The following ELL2 variants were observed in gnomAD, a reference collection of about 807,000 sequenced individuals.
ELL2 encodes the protein RNA polymerase II elongation factor ELL2.
A neutral mutation model predicts 72.8 loss-of-function variants in ELL2; 21 were observed. The ratio of observed to expected loss-of-function variants is 0.29; its 90% CI spans 0.20 to 0.42. The LOEUF is 0.42. Among genes scored for constraint, ELL2 ranks in the 10% least tolerant of loss-of-function variants. ELL2 has a pLI of 1.00. For synonymous variants in ELL2, 266 were observed against 283.2 expected (o/e 0.94, Z 0.61); for missense variants, 568 against 772.8 (o/e 0.73, Z 3.14).
intron 4 of ELL2, among the ~76,000 whole-genome samples, chr5:95,911,163 G>A (rs3777192): frequency 0.29 from 44,039 of 151,948 alleles, 6,521 homozygotes; most frequent in East Asian, 0.41. Flanking sequence ...GGAAGATACA[G>A]ACTGAGCTGC....
chr5:95,907,932 G>C (rs766455020), intron 4 of ELL2, among the ~76,000 whole-genome samples: 2 of 152,198 alleles, frequency 1.3e-5, no homozygotes, highest in Non-Finnish European at 2.9e-5. Context: ...TCCATGCTGG[G>C]CTCCCCAGGC....
At chr5:95,926,086 T>C (rs919981930) in intron 2 of ELL2, among the ~76,000 whole-genome samples, 37 of 151,020 alleles carry the variant, frequency 2.5e-4, no homozygotes, top group Admixed American at 2.0e-3. Flanking sequence ...GAACAGAAAA[T>C]AGAAACCTCA....
chr5:95,945,389 T>C (rs1328648907), intron 1 of ELL2, among the ~76,000 whole-genome samples: 1 of 152,218 alleles, frequency 6.6e-6, no homozygotes, highest in African/African-American at 2.4e-5. Flanking sequence ...CAAATCCAGA[T>C]GAGGCCTTAG....
At position 95,908,558 on chromosome 5, in the gene ELL2, C is replaced by T. The variant is rs150300392; in HGVS notation, c.482-1776G>A. Among the ~76,000 whole-genome samples the T allele has an allele frequency of 2.0e-3, 307 of 152,146 alleles. 1 individual carries two copies. Among genetic ancestry groups the T allele is most frequent in the African/African-American group, 6.9e-3 (286 of 41,492 alleles). On this transcript the variant is annotated intron_variant, in intron 4 of 11. Transcript: ENST00000237853. ...TATTTGATGACTAAATGAATGACAGCGAGAGAGCAAGTAAGCAGAGGAGCA... is the reference window on the plus strand; with the variant it reads ...TATTTGATGACTAAATGAATGACAGTGAGAGAGCAAGTAAGCAGAGGAGCA...
chr5:95,927,744 CATAT>C (rs1188633976), intron 2 of ELL2, among the ~76,000 whole-genome samples: 1 of 78,786 alleles, frequency 1.3e-5, no homozygotes, highest in Non-Finnish European at 2.3e-5. Context: ...TACACACACA[CATAT>C]GTGTGTATAT....
At chr5:95,954,032 A>G (rs1388313729) in intron 1 of ELL2, among the ~76,000 whole-genome samples, 1 of 152,212 alleles carries the variant, frequency 6.6e-6, no homozygotes, top group Non-Finnish European at 1.5e-5. Flanking sequence ...CTCAAAACCA[A>G]ATTTTTTTCC....
intron 1 of ELL2, among the ~76,000 whole-genome samples, chr5:95,961,185 T>C (rs1404008531): frequency 6.6e-6 from 1 of 152,038 alleles, no homozygotes; most frequent in Non-Finnish European, 1.5e-5. Flanking sequence ...TCCTTGCCCA[T>C]ACGCTGCTCG....
chr5:95,928,382 C>A (rs1269378297), intron 2 of ELL2, among the ~76,000 whole-genome samples: 1 of 152,184 alleles, frequency 6.6e-6, no homozygotes, highest in Middle Eastern at 3.2e-3. Context: ...CATAAAGCTG[C>A]ATTTCATTTT....
At chr5:95,941,613 A>G (rs1041081027) in intron 2 of ELL2, among the ~76,000 whole-genome samples, 1 of 152,166 alleles carries the variant, frequency 6.6e-6, no homozygotes, top group Non-Finnish European at 1.5e-5. Context: ...AGAAAGAATT[A>G]AGGGAAGCAT....
intron 2 of ELL2, among the ~76,000 whole-genome samples, chr5:95,923,077 G>T (rs1049510346): frequency 6.6e-5 from 10 of 151,962 alleles, no homozygotes; most frequent in African/African-American, 2.4e-4. Flanking sequence ...ACAGAAATAG[G>T]TCATCCCCTT....
chr5:95,941,129 ACTC>A (rs1255672242), intron 2 of ELL2, among the ~76,000 whole-genome samples: 1 of 151,926 alleles, frequency 6.6e-6, no homozygotes, highest in Non-Finnish European at 1.5e-5. Flanking sequence ...TAGTACCTCC[ACTC>A]CTCATCTACT....
intron 1 of ELL2, among the ~76,000 whole-genome samples, chr5:95,958,174 A>G (rs1475591593): frequency 6.6e-6 from 1 of 152,164 alleles, no homozygotes; most frequent in East Asian, 1.9e-4. Flanking sequence ...AATTAAAACC[A>G]TTTTCCCCCC....
chr5:95,930,983 T>C (rs1220311217), intron 2 of ELL2, among the ~76,000 whole-genome samples: 2 of 152,210 alleles, frequency 1.3e-5, no homozygotes, highest in East Asian at 3.8e-4. Context: ...TGCTTTCTTG[T>C]TCTTTCTCCT....
rs1748477608 is a variant in ELL2, at chr5:95,886,695, CAA to C, written c.*2174_*2175del. ...AAAAGCCAATAGTTGACCTTCAGTTCAAGATTTCAAGATTTACAGACCTAAAA... is the reference window on the plus strand; with the variant it reads ...AAAAGCCAATAGTTGACCTTCAGTTCGATTTCAAGATTTACAGACCTAAAA... On this transcript the variant is annotated 3_prime_UTR_variant, in exon 12 of 12. Coordinates refer to ENST00000237853, the MANE Select transcript of ELL2 (RefSeq NM_012081.6). The C allele has an allele frequency of 6.7e-6, 1 of 149,716 alleles. No individual in the cohort carries two copies. Among genetic ancestry groups the C allele is most frequent in the Non-Finnish European group, 1.5e-5 (1 of 67,696 alleles). 9.3% of individuals were successfully genotyped at this position (149,716 alleles called of 1,614,324 possible).
intron 1 of ELL2, among the ~76,000 whole-genome samples, chr5:95,958,294 C>T (rs771581020): frequency 1.3e-5 from 2 of 152,154 alleles, no homozygotes; most frequent in African/African-American, 2.4e-5. Flanking sequence ...TTTCTAATAA[C>T]GATGGAAGAC....
At chr5:95,909,426 T>G (rs1749496677) in intron 4 of ELL2, among the ~76,000 whole-genome samples, 1 of 152,102 alleles carries the variant, frequency 6.6e-6, no homozygotes, top group African/African-American at 2.4e-5. Flanking sequence ...CCCCATCCCT[T>G]TTGTGCCTAT....
chr5:95,907,296 A>ATATATATATATTTTTTTTTTTTT, intron 4 of ELL2, among the ~76,000 whole-genome samples: 1 of 116,522 alleles, frequency 8.6e-6, no homozygotes, highest in South Asian at 3.0e-4. Context: ...ATATATATAT[A>ATATATATATATTTTTTTTTTTTT]TTTTTTTTTT....
At chr5:95,922,307 T>C (rs1750118740) in intron 2 of ELL2, among the ~76,000 whole-genome samples, 1 of 152,204 alleles carries the variant, frequency 6.6e-6, no homozygotes, top group South Asian at 2.1e-4. Context: ...CGTGATCTGC[T>C]GGCCTTGGCC....
In ELL2 at chr5:95,887,537, G is replaced by C. The variant is rs1005050473; in HGVS notation, c.*1334C>G. Reference sequence around the variant, plus strand: ...ACAATACAATAAGACAATACAACTTGAATCAACATTAATTCAAAATCCTTA... The same window carrying C: ...ACAATACAATAAGACAATACAACTTCAATCAACATTAATTCAAAATCCTTA... On this transcript the variant is annotated 3_prime_UTR_variant, in exon 12 of 12. Coordinates refer to ENST00000237853, the MANE Select transcript of ELL2 (RefSeq NM_012081.6). 1 of 152,600 alleles carries C rather than the reference G, an allele frequency of 6.6e-6. No individual in the cohort carries two copies. Among genetic ancestry groups the C allele is most frequent in the Non-Finnish European group, 1.5e-5 (1 of 68,020 alleles). The allele number at this position is 152,600 out of a possible 1,614,324, so 9.5% of individuals were successfully genotyped here. A position where few individuals can be genotyped will look rare whatever the true frequency, so the allele number is the denominator to read the frequency against.
Sources: allele counts gnomAD v4.1 joint callset (sites outside exome capture counted in the v4.1 genomes callset), GRCh38; gene constraint gnomAD v4.1.1; transcripts MANE v1.5; gene names NCBI Gene and HGNC (gene_info 2026-07-23, HGNC 2026-07-21).